Variants in ATP6V1A observed in about 807,000 individuals in gnomAD.
The protein encoded by ATP6V1A is V-type proton ATPase catalytic subunit A.
ATP6V1A carries 18 observed loss-of-function variants against 70.1 expected under a neutral mutation model. The observed-to-expected ratio is 0.26, with a 90% CI of 0.18 to 0.38. The LOEUF (loss-of-function observed/expected upper bound fraction) is 0.38, where lower values mean the gene tolerates loss of function less well. Ranked by LOEUF, ATP6V1A falls within the 10% of genes least tolerant of loss-of-function variation. ATP6V1A has a pLI of 1.00. For synonymous variants in ATP6V1A, 232 were observed against 253.8 expected (o/e 0.91, Z 0.82); for missense variants, 424 against 772.4 (o/e 0.55, Z 5.35).
chr3:113,752,486 T>G, intron 1 of ATP6V1A, among the ~76,000 whole-genome samples: 1 of 152,092 alleles, frequency 6.6e-6, no homozygotes, highest in Non-Finnish European at 1.5e-5. Flanking sequence ...ATTCATAATG[T>G]CAGTAGGCAT....
chr3:113,765,586 C>T (rs1422339165), intron 1 of ATP6V1A, among the ~76,000 whole-genome samples: 3 of 146,124 alleles, frequency 2.1e-5, no homozygotes. Flanking sequence ...GCCTGGGCAA[C>T]AAGAGCAAAA....
chr3:113,788,422 C>T lies in ATP6V1A; in HGVS notation c.717-291C>T, dbSNP rs557127947. On this transcript the variant is annotated intron_variant, in intron 6 of 14. Coordinates refer to ENST00000273398, the MANE Select transcript of ATP6V1A (RefSeq NM_001690.4). ...CGATCTCGGCTCATTGCAACCTCCA[C>T]CTCTCAGGTTCAAGCAATTCTCCTG... 4.6e-5 allele frequency among the ~76,000 whole-genome samples: 7 copies of T among 151,986 alleles called. No individual in the cohort carries two copies. In the South Asian group the frequency reaches 6.2e-4, roughly 14 times the overall value.
At chr3:113,789,978 T>C in intron 8 of ATP6V1A, 138 bp downstream of exon 8, 1 of 626,108 alleles carries the variant, frequency 1.6e-6, no homozygotes, top group Non-Finnish European at 2.6e-6. Context: ...TTTTAAAAAA[T>C]ATTTTACTTG....
intron 1 of ATP6V1A, 136 bp downstream of exon 1, chr3:113,747,249 G>C (rs1708533663): frequency 6.6e-6 from 1 of 152,326 alleles, no homozygotes; most frequent in Non-Finnish European, 1.5e-5. Flanking sequence ...GCACCGGCAA[G>C]GAGCTCATTT....
At chr3:113,760,161 C>T (rs569831055) in intron 1 of ATP6V1A, among the ~76,000 whole-genome samples, 14 of 152,298 alleles carry the variant, frequency 9.2e-5, no homozygotes, top group African/African-American at 3.1e-4. Context: ...CTGTTAGAAA[C>T]ACAGATTTCT....
intron 12 of ATP6V1A, chr3:113,802,755 C>T (rs1709229316): frequency 6.6e-6 from 1 of 152,374 alleles, no homozygotes; most frequent in African/African-American, 2.4e-5. Context: ...ATCTGCCTCC[C>T]AGGCTCAAGC....
chr3:113,753,407 G>GT (rs1384869432), intron 1 of ATP6V1A, among the ~76,000 whole-genome samples: 9 of 152,156 alleles, frequency 5.9e-5, no homozygotes, highest in African/African-American at 2.2e-4. Flanking sequence ...GAGAATACAT[G>GT]TATTTTCCAC....
chr3:113,765,887 A>T (rs1708764653), intron 1 of ATP6V1A, among the ~76,000 whole-genome samples: 1 of 152,066 alleles, frequency 6.6e-6, no homozygotes, highest in Admixed American at 6.6e-5. Flanking sequence ...AGATCGCACC[A>T]CTGCACTCCA....
chr3:113,784,799 C>G lies in ATP6V1A; in HGVS notation c.530C>G (p.Thr177Ser), dbSNP rs758291370. Residue 177 changes from threonine (T) to serine (S), a missense_variant, in exon 5 of 15, where the codon ACT becomes AGT. Physicochemically the swap from Thr to Ser is moderately conservative, Grantham distance 58. Coordinates refer to ENST00000273398, the MANE Select transcript of ATP6V1A (RefSeq NM_001690.4). ...CCCCCACGAAACAGAGGAACTGTAA[C>G]TTACATTGCTCCACCTGGGAATTAT... ...MLPPRNRGTV[T>S]YIAPPGNYDT... 6.2e-7 allele frequency: 1 copy of G among 1,614,108 alleles called. No homozygotes were observed. Among genetic ancestry groups the G allele is most frequent in the Non-Finnish European group, 8.5e-7 (1 of 1,179,968 alleles).
At position 113,788,899 on chromosome 3, in the gene ATP6V1A, AT is replaced by A. The variant is rs778239408; in HGVS notation, c.879+25del. The A allele has an allele frequency of 1.9e-6, 3 of 1,598,502 alleles. No homozygotes were observed. In the South Asian group the frequency reaches 3.3e-5, roughly 18 times the overall value. ...AGGTCTGTATAAAGCTTCAAATAAT[AT>A]CCTAGAGAAAATACCACTCATCAGT... On this transcript the variant is annotated intron_variant, in intron 7 of 14. Transcript: ENST00000273398.
At chr3:113,777,987 A>G (rs1022942352) in intron 1 of ATP6V1A, among the ~76,000 whole-genome samples, 2 of 152,166 alleles carry the variant, frequency 1.3e-5, no homozygotes, top group Non-Finnish European at 2.9e-5. Context: ...AAGACTTCAC[A>G]TTTTTTGTTA....
intron 1 of ATP6V1A, among the ~76,000 whole-genome samples, chr3:113,759,220 G>A (rs998809251): frequency 6.1e-5 from 9 of 146,366 alleles, no homozygotes; most frequent in African/African-American, 2.3e-4. Flanking sequence ...CACAAAGGAA[G>A]TTTTATAGTT....
At chr3:113,798,080 C>A (rs1709172851) in intron 11 of ATP6V1A, among the ~76,000 whole-genome samples, 163 bp from the exon 12 acceptor site, 1 of 152,086 alleles carries the variant, frequency 6.6e-6, no homozygotes, top group South Asian at 2.1e-4. Flanking sequence ...TTGTAGTGAG[C>A]CGAGATCATG....
rs1355327256 is a variant in ATP6V1A, at chr3:113,803,646, C to G, written c.1558C>G (p.Leu520Val). 1 of 1,610,662 alleles carries G rather than the reference C, an allele frequency of 6.2e-7. No homozygotes were observed. The highest frequency in any genetic ancestry group is 1.1e-5 in the South Asian group (1 of 90,846). ...EVAKLIKDDF[L>V]QQNGYTPYDR... ...AGCAAAACTTATCAAAGATGATTTC[C>G]TACAACAAAATGGATATACTCCTTA... is the stretch of plus-strand genomic sequence containing the variant. The change falls in exon 13 of 15, where the codon CTA becomes GTA. Residue 520 changes from leucine to valine, a missense_variant. Transcript: ENST00000273398.
intron 14 of ATP6V1A, among the ~76,000 whole-genome samples, chr3:113,809,015 C>T (rs569040956): frequency 2.0e-5 from 3 of 151,740 alleles, no homozygotes; most frequent in South Asian, 2.1e-4. Context: ...TTTGGGAGGC[C>T]GAGGCAAGTG....
intron 1 of ATP6V1A, among the ~76,000 whole-genome samples, chr3:113,777,396 G>A (rs1250479299): frequency 6.6e-6 from 1 of 152,196 alleles, no homozygotes; most frequent in Admixed American, 6.5e-5. Flanking sequence ...AGGGAAGGAG[G>A]AAGGATGTTG....
At chr3:113,782,061 A>G (rs897819866) in intron 3 of ATP6V1A, among the ~76,000 whole-genome samples, 1 of 152,184 alleles carries the variant, frequency 6.6e-6, no homozygotes, top group Non-Finnish European at 1.5e-5. Flanking sequence ...GTGCTTCTAT[A>G]TGTGTTTTAC....
At position 113,784,333 on chromosome 3, in the gene ATP6V1A, G is replaced by A. The variant is rs145564764; in HGVS notation, c.321G>A (p.Ser107=). 88 of 1,614,008 alleles carry A rather than the reference G, an allele frequency of 5.5e-5. No individual in the cohort carries two copies. Among genetic ancestry groups the A allele is most frequent in the African/African-American group, 9.3e-5 (7 of 75,034 alleles). ...AIFDGIQRPL[S]DISSQTQSIY... The stretch of plus-strand genomic sequence containing the variant: ...TTGATGGTATTCAAAGACCTTTGTC[G>A]GATATCAGCAGTCAGACCCAAAGCA... Residue 107 remains serine, a synonymous_variant, in exon 4 of 15, where the codon TCG becomes TCA. Transcript: ENST00000273398.
At chr3:113,799,642 T>C (rs1423951376) in intron 12 of ATP6V1A, among the ~76,000 whole-genome samples, 2 of 152,170 alleles carry the variant, frequency 1.3e-5, no homozygotes, top group Admixed American at 1.3e-4. Context: ...GTAGATAATA[T>C]GCTCATATAC....
Sources: allele counts gnomAD v4.1 joint callset (sites outside exome capture counted in the v4.1 genomes callset), GRCh38; gene constraint gnomAD v4.1.1; transcripts MANE v1.5; gene names NCBI Gene and HGNC (gene_info 2026-07-23, HGNC 2026-07-21).